The following ACKR5 variants were observed in gnomAD, a reference collection of about 807,000 sequenced individuals.
ACKR5 encodes the protein atypical chemokine receptor 5, also known as G protein-coupled receptor 182.
the ACKR5 span, chr12:56,995,941 G>C: frequency 2.5e-6 from 4 of 1,612,242 alleles, no homozygotes; most frequent in Non-Finnish European, 3.4e-6. The surrounding 1 kb of genome is among the most constrained non-coding windows in gnomAD (Gnocchi z 4.7). Flanking sequence ...CAGCCTGCCG[G>C]CTGCGGCAGC....
chr12:56,995,355 A>T, the ACKR5 span: 2 of 1,614,120 alleles, frequency 1.2e-6, no homozygotes, highest in South Asian at 2.2e-5. The surrounding 1 kb of genome is among the most constrained non-coding windows in gnomAD (Gnocchi z 4.7). Flanking sequence ...GAGCTCAGCC[A>T]GAGCACCAAG....
the ACKR5 span, chr12:56,995,655 T>C: frequency 1.2e-6 from 2 of 1,613,956 alleles, no homozygotes; most frequent in Non-Finnish European, 1.7e-6. This position sits in a 1 kb window ranked among gnomAD's most constrained non-coding sequence, Gnocchi z 4.7. Flanking sequence ...TGCCTCAGTG[T>C]CGACCGCTAT....
the ACKR5 span, chr12:56,995,483 A>T: frequency 6.2e-7 from 1 of 1,614,058 alleles, no homozygotes; most frequent in South Asian, 1.1e-5. The surrounding 1 kb of genome is among the most constrained non-coding windows in gnomAD (Gnocchi z 4.7). Flanking sequence ...GAACCTCTAC[A>T]TCCTCAACAT....
chr12:56,995,412 TGGTGG>T, the ACKR5 span: 1 of 1,614,208 alleles, frequency 6.2e-7, no homozygotes, highest in Non-Finnish European at 8.5e-7. The surrounding 1 kb of genome is among the most constrained non-coding windows in gnomAD (Gnocchi z 4.7). Context: ...GTGGTTGGGC[TGGTGG>T]AGAACCTCCT....
At chr12:56,996,377 C>T in the ACKR5 span, 1 of 1,605,670 alleles carries the variant, frequency 6.2e-7, no homozygotes, top group Non-Finnish European at 8.5e-7. Flanking sequence ...CCATTTGCTT[C>T]CAAATACTTC....
At chr12:56,995,787 A>T in the ACKR5 span, 1 of 1,614,138 alleles carries the variant, frequency 6.2e-7, no homozygotes. The surrounding 1 kb of genome is among the most constrained non-coding windows in gnomAD (Gnocchi z 4.7). Flanking sequence ...GTCCACATCC[A>T]GCTGGTGGAG....
the ACKR5 span, chr12:56,995,477 C>A: frequency 6.2e-7 from 1 of 1,614,080 alleles, no homozygotes; most frequent in Non-Finnish European, 8.5e-7. This position sits in a 1 kb window ranked among gnomAD's most constrained non-coding sequence, Gnocchi z 4.7. Flanking sequence ...GCTGATGAAC[C>A]TCTACATCCT....
the ACKR5 span, chr12:56,996,203 C>T: frequency 2.5e-6 from 4 of 1,614,130 alleles, no homozygotes; most frequent in South Asian, 1.1e-5. Context: ...GGGCCGGCTC[C>T]TGAATGCTGT....
At chr12:56,995,114 G>A in the ACKR5 span, 10 of 1,119,030 alleles carry the variant, frequency 8.9e-6, no homozygotes, top group Admixed American at 2.3e-5. This position sits in a 1 kb window ranked among gnomAD's most constrained non-coding sequence, Gnocchi z 4.7. Context: ...CAAAGCCCCC[G>A]ACTCCCTCTG....
the ACKR5 span, chr12:56,995,532 T>C: frequency 1.9e-6 from 3 of 1,614,130 alleles, no homozygotes; most frequent in Non-Finnish European, 1.7e-6. The surrounding 1 kb of genome is among the most constrained non-coding windows in gnomAD (Gnocchi z 4.7). Flanking sequence ...TCTCTGCCCG[T>C]GTGGATGCTG....
the ACKR5 span, chr12:56,995,111 C>G: frequency 2.8e-6 from 3 of 1,089,310 alleles, no homozygotes; most frequent in South Asian, 4.6e-5. The surrounding 1 kb of genome is among the most constrained non-coding windows in gnomAD (Gnocchi z 4.7). Context: ...CCCCAAAGCC[C>G]CCGACTCCCT....
the ACKR5 span, chr12:56,996,424 A>G: frequency 1.3e-6 from 2 of 1,573,124 alleles, no homozygotes; most frequent in Non-Finnish European, 1.7e-6. Flanking sequence ...CACCCAGCTG[A>G]GGTAGAGGCC....
chr12:56,995,465 G>A, the ACKR5 span: 2 of 1,614,218 alleles, frequency 1.2e-6, no homozygotes. This position sits in a 1 kb window ranked among gnomAD's most constrained non-coding sequence, Gnocchi z 4.7. Flanking sequence ...AGGCCGGGCA[G>A]GGCTGATGAA....
the ACKR5 span, chr12:56,996,315 A>T: frequency 1.9e-6 from 3 of 1,614,158 alleles, no homozygotes; most frequent in Non-Finnish European, 2.5e-6. Flanking sequence ...GGTGATAGCC[A>T]GCCTGCTGCA....
chr12:56,995,591 T>C, the ACKR5 span: 1 of 1,614,162 alleles, frequency 6.2e-7, no homozygotes, highest in Non-Finnish European at 8.5e-7. The surrounding 1 kb of genome is among the most constrained non-coding windows in gnomAD (Gnocchi z 4.7). Context: ...CTCCTGCCGC[T>C]TCACTCACTA....
chr12:56,996,498 G>A, the ACKR5 span: 139 of 1,370,994 alleles, frequency 1.0e-4, 2 homozygotes, highest in South Asian at 1.8e-3. Flanking sequence ...TTGGGGGGAT[G>A]TAGAGGGGAG....
chr12:56,995,449 C>T, the ACKR5 span: 12 of 1,614,090 alleles, frequency 7.4e-6, no homozygotes, highest in Middle Eastern at 1.6e-4. The surrounding 1 kb of genome is among the most constrained non-coding windows in gnomAD (Gnocchi z 4.7). Context: ...TCAACTGGCG[C>T]GGCTCAGGCC....
chr12:56,998,366 C>T, the ACKR5 span: 1 of 152,296 alleles, frequency 6.6e-6, no homozygotes, highest in African/African-American at 2.4e-5. Context: ...ATGGACATCA[C>T]TCCCTAACTT....
At chr12:56,995,415 T>C in the ACKR5 span, 2 of 1,614,200 alleles carry the variant, frequency 1.2e-6, no homozygotes, top group Non-Finnish European at 1.7e-6. The surrounding 1 kb of genome is among the most constrained non-coding windows in gnomAD (Gnocchi z 4.7). Flanking sequence ...GTTGGGCTGG[T>C]GGAGAACCTC....
Sources: allele counts gnomAD v4.1 joint callset, GRCh38; gene constraint gnomAD v4.1.1; non-coding constraint Gnocchi (gnomAD v3.1); transcripts MANE v1.5; gene names NCBI Gene and HGNC (gene_info 2026-07-23, HGNC 2026-07-21).